Variants in GALNT13 observed in about 807,000 individuals in gnomAD.
GALNT13 encodes UDP-GalNAc:polypeptide N-acetylgalactosaminyltransferase 13.
In GALNT13, 28 loss-of-function variants were observed where a neutral mutation model predicts 64.2. The ratio of observed to expected loss-of-function variants is 0.44; its 90% CI spans 0.32 to 0.60. The LOEUF (loss-of-function observed/expected upper bound fraction) is 0.60, where lower values mean the gene tolerates loss of function less well. GALNT13 is among the 20% of genes least tolerant of loss of function. GALNT13 has a pLI of 0.05. For synonymous variants in GALNT13, 214 were observed against 224.6 expected (o/e 0.95, Z 0.42); for missense variants, 577 against 669.8 (o/e 0.86, Z 1.53).
intron 12 of GALNT13, 52 bp from the exon 13 acceptor site, chr2:154,450,359 A>T: frequency 6.6e-7 from 1 of 1,509,502 alleles, no homozygotes; most frequent in South Asian, 1.2e-5. Flanking sequence ...CTGATGTGCT[A>T]GCAAAGCTAA....
At chr2:153,554,173 A>AT in the GALNT13 span, among the ~76,000 whole-genome samples, 1 of 151,690 alleles carries the variant, frequency 6.6e-6, no homozygotes, top group African/African-American at 2.4e-5. Context: ...AAAAAAAAAA[A>AT]AAAATTAGCC....
chr2:154,024,812 A>G (rs1332370495), intron 3 of GALNT13, among the ~76,000 whole-genome samples: 1 of 151,408 alleles, frequency 6.6e-6, no homozygotes, highest in Non-Finnish European at 1.5e-5. Context: ...TTTTTTTCCC[A>G]TCTTTGTGGT....
intron 12 of GALNT13, among the ~76,000 whole-genome samples, chr2:154,448,388 CT>C (rs1701702738): frequency 6.6e-6 from 1 of 151,902 alleles, no homozygotes; most frequent in Admixed American, 6.6e-5. Flanking sequence ...AAGGGAAAAA[CT>C]GTATTTGTAA....
intron 1 of GALNT13, among the ~76,000 whole-genome samples, chr2:153,889,076 G>A (rs1326190250): frequency 3.3e-5 from 5 of 151,832 alleles, no homozygotes; most frequent in African/African-American, 1.2e-4. Context: ...CTGTGTGTGT[G>A]CTTTTCTGCA....
At chr2:154,315,623 G>A (rs1043020208) in intron 9 of GALNT13, among the ~76,000 whole-genome samples, 1 of 151,984 alleles carries the variant, frequency 6.6e-6, no homozygotes, top group African/African-American at 2.4e-5. Flanking sequence ...TCCTCAGTGT[G>A]GTAGGTACTA....
At chr2:153,092,631 A>C in the GALNT13 span, among the ~76,000 whole-genome samples, 1 of 152,080 alleles carries the variant, frequency 6.6e-6, no homozygotes, top group Non-Finnish European at 1.5e-5. Flanking sequence ...TTTCTTTCTC[A>C]TGTTATTCAC....
intron 3 of GALNT13, among the ~76,000 whole-genome samples, chr2:154,013,851 G>T (rs1024302098): frequency 5.3e-5 from 8 of 152,186 alleles, no homozygotes; most frequent in Admixed American, 1.3e-4. Flanking sequence ...GCAGTGAGGG[G>T]AGGCTGCAGT....
chr2:153,791,194 A>T, the GALNT13 span, among the ~76,000 whole-genome samples: 2 of 152,308 alleles, frequency 1.3e-5, no homozygotes, highest in East Asian at 3.9e-4. Flanking sequence ...AAACAACCCC[A>T]TTAAAGTGTG....
chr2:154,124,365 A>T (rs1418441508), intron 3 of GALNT13, among the ~76,000 whole-genome samples: 1 of 152,088 alleles, frequency 6.6e-6, no homozygotes, highest in Non-Finnish European at 1.5e-5. Flanking sequence ...TTCCTATTTT[A>T]TATTAAATTA....
the GALNT13 span, among the ~76,000 whole-genome samples, chr2:153,230,804 T>C: frequency 6.6e-6 from 1 of 152,218 alleles, no homozygotes; most frequent in Non-Finnish European, 1.5e-5. Flanking sequence ...AGGAAGGACA[T>C]AGGCTTTTGG....
chr2:153,893,116 CA>C (rs1687659384), intron 1 of GALNT13, among the ~76,000 whole-genome samples: 1 of 152,048 alleles, frequency 6.6e-6, no homozygotes, highest in Admixed American at 6.6e-5. Context: ...ATTATAACTA[CA>C]TTTTGAACAG....
At chr2:154,191,106 A>G (rs1326404112) in intron 4 of GALNT13, among the ~76,000 whole-genome samples, 3 of 152,228 alleles carry the variant, frequency 2.0e-5, no homozygotes, top group African/African-American at 7.2e-5. Flanking sequence ...TAAGTGGCAA[A>G]CACTGGAGAT....
At chr2:154,353,246 T>C (rs565502431) in intron 9 of GALNT13, among the ~76,000 whole-genome samples, 1 of 152,200 alleles carries the variant, frequency 6.6e-6, no homozygotes, top group African/African-American at 2.4e-5. Flanking sequence ...AACCCCTGTA[T>C]AGTTAGCACT....
intron 3 of GALNT13, among the ~76,000 whole-genome samples, chr2:154,065,425 A>T (rs1700408493): frequency 1.3e-5 from 2 of 152,096 alleles, no homozygotes; most frequent in African/African-American, 4.8e-5. Context: ...CTTGACTGAG[A>T]TCCAGTGCTG....
the GALNT13 span, among the ~76,000 whole-genome samples, chr2:153,139,477 A>G: frequency 6.0e-4 from 91 of 152,160 alleles, no homozygotes; most frequent in African/African-American, 2.1e-3. Flanking sequence ...AAAGGCAGAA[A>G]AAGAAGAGAT....
the GALNT13 span, among the ~76,000 whole-genome samples, chr2:153,763,459 G>C: frequency 6.6e-6 from 1 of 152,172 alleles, no homozygotes; most frequent in Admixed American, 6.5e-5. Context: ...TGTCACGATA[G>C]TGAATAAGTC....
the GALNT13 span, among the ~76,000 whole-genome samples, chr2:153,365,855 C>G: frequency 6.6e-6 from 1 of 151,994 alleles, no homozygotes; most frequent in African/African-American, 2.4e-5. Flanking sequence ...GGATCTAGAC[C>G]AGAAACACCA....
chr2:153,438,613 C>A, the GALNT13 span, among the ~76,000 whole-genome samples: 2 of 152,186 alleles, frequency 1.3e-5, no homozygotes, highest in South Asian at 4.1e-4. Context: ...TCCAGTTGAT[C>A]GCATTGGCTA....
chr2:153,450,463 C>T, the GALNT13 span, among the ~76,000 whole-genome samples: 6 of 152,056 alleles, frequency 3.9e-5, no homozygotes, highest in South Asian at 4.1e-4. Context: ...TGAACTCAGA[C>T]GCTGGTTTTG....
Sources: gnomAD v4.1 joint callset for allele counts (sites outside exome capture counted in the v4.1 genomes callset) on GRCh38, gnomAD v4.1.1 for gene constraint, MANE v1.5 for transcripts, NCBI Gene and HGNC (gene_info 2026-07-23, HGNC 2026-07-21) for gene names.